VAC14: variants seen among roughly 807,000 people sequenced by gnomAD.
The protein encoded by VAC14 is VAC14 component of PIKFYVE complex.
VAC14 carries 47 observed loss-of-function variants against 85.3 expected under a neutral mutation model. The ratio of observed to expected loss-of-function variants is 0.55; its 90% CI spans 0.44 to 0.70. The LOEUF is 0.70. Among genes scored for constraint, VAC14 ranks in the 30% least tolerant of loss-of-function variants. The pLI is 0.00. For missense variants in VAC14, 861 were observed against 1,004.3 expected, an observed-to-expected ratio of 0.86 and a Z score of 1.93; for synonymous variants, 447 against 430.5, an observed-to-expected ratio of 1.04 and a Z score of -0.47.
At chr16:70,731,674 ACAGGGTG>A in intron 13 of VAC14, 47 bp from the exon 14 acceptor site, 1 of 1,566,642 alleles carries the variant, frequency 6.4e-7, no homozygotes, top group Non-Finnish European at 8.7e-7. Context: ...TTATGTGTCC[ACAGGGTG>A]ATGAGATCCA....
intron 1 of VAC14, chr16:70,786,576 A>G (rs1416825005): frequency 1.8e-5 from 11 of 603,288 alleles, no homozygotes; most frequent in South Asian, 1.3e-4. Context: ...CAATGGAATA[A>G]GGAACAGTGG....
chr16:70,784,554 G>A (rs561767546), intron 4 of VAC14, among the ~76,000 whole-genome samples: 9 of 152,268 alleles, frequency 5.9e-5, no homozygotes, highest in Admixed American at 2.6e-4. Flanking sequence ...TCTAGGTGGC[G>A]GCAACAAAAG....
chr16:70,696,878 C>T (rs2053722541), intron 16 of VAC14: 3 of 416,862 alleles, frequency 7.2e-6, no homozygotes, highest in South Asian at 4.2e-5. Context: ...TGGGCCTACT[C>T]AGTCCCAATC....
intron 1 of VAC14, among the ~76,000 whole-genome samples, chr16:70,797,100 A>G (rs1191135946): frequency 6.6e-6 from 1 of 152,306 alleles, no homozygotes; most frequent in African/African-American, 2.4e-5. Context: ...ATTCAAGAAC[A>G]ACGCATTTGT....
At chr16:70,768,863 C>G (rs1466900833) in intron 10 of VAC14, 2 of 451,322 alleles carry the variant, frequency 4.4e-6, no homozygotes, top group African/African-American at 2.0e-5. Context: ...TGCAGTGGCG[C>G]GATCTCGGCT....
chr16:70,696,788 C>T (rs2053719969), intron 16 of VAC14: 1 of 286,710 alleles, frequency 3.5e-6, no homozygotes. Context: ...AGGGCAGCCA[C>T]CTTCTCCCAG....
At chr16:70,745,518 T>TGTGTGTGTGTGCGC (rs374204849) in intron 12 of VAC14, among the ~76,000 whole-genome samples, 1 of 141,020 alleles carries the variant, frequency 7.1e-6, no homozygotes, top group African/African-American at 3.1e-5. Context: ...TGTGTGTGTG[T>TGTGTGTGTGTGCGC]GCGCGTGTGC....
intron 13 of VAC14, among the ~76,000 whole-genome samples, chr16:70,741,427 T>G (rs1271482131): frequency 6.6e-6 from 1 of 152,238 alleles, no homozygotes; most frequent in East Asian, 1.9e-4. Context: ...CTGGCTCCCC[T>G]GGCTGTTCTC....
chr16:70,761,963 G>C (rs916745016), intron 12 of VAC14, among the ~76,000 whole-genome samples: 16 of 152,174 alleles, frequency 1.1e-4, no homozygotes, highest in Non-Finnish European at 1.8e-4. Flanking sequence ...CTGAGATGCA[G>C]AGATACTAAG....
chr16:70,695,753 G>A lies in VAC14; in HGVS notation c.1956-130C>T, dbSNP rs186365617. ...TGGTTGTGGTGAAGCAGGATTTGGCGCACAAAGGACACCAGGCTCTTCCCT... is the reference window on the plus strand; with the variant it reads ...TGGTTGTGGTGAAGCAGGATTTGGCACACAAAGGACACCAGGCTCTTCCCT... On this transcript the variant is annotated intron_variant, in intron 16 of 18. Coordinates refer to ENST00000261776, the MANE Select transcript of VAC14 (RefSeq NM_018052.5). 1,614 of 805,602 alleles carry A rather than the reference G, an allele frequency of 2.0e-3. 22 individuals are homozygous for A. Among genetic ancestry groups the A allele is most frequent in the Non-Finnish European group, 3.6e-4 (180 of 498,252 alleles). 49.9% of individuals were successfully genotyped at this position (805,602 alleles called of 1,614,324 possible).
intron 10 of VAC14, chr16:70,768,909 T>C: frequency 2.3e-6 from 1 of 437,332 alleles, no homozygotes; most frequent in Non-Finnish European, 4.6e-6. Flanking sequence ...CAAGCAATTC[T>C]CCTGCTTCAG....
chr16:70,721,678 C>G (rs889477149), intron 14 of VAC14, among the ~76,000 whole-genome samples: 3 of 152,074 alleles, frequency 2.0e-5, no homozygotes, highest in Admixed American at 2.0e-4. Context: ...TCAGCTCTGT[C>G]CCCGTCTGCT....
chr16:70,770,803 T>G (rs2033162088), intron 10 of VAC14: 1 of 152,196 alleles, frequency 6.6e-6, no homozygotes, highest in Non-Finnish European at 1.5e-5. Context: ...AAGGAGAGAA[T>G]GGCAACATTC....
At chr16:70,694,565 C>CA (rs1434559041) in intron 17 of VAC14, among the ~76,000 whole-genome samples, 1 of 152,184 alleles carries the variant, frequency 6.6e-6, no homozygotes, top group African/African-American at 2.4e-5. Context: ...CTCCAGGGCT[C>CA]AGGCTGATGG....
intron 17 of VAC14, among the ~76,000 whole-genome samples, chr16:70,694,851 G>A (rs887376174): frequency 1.3e-5 from 2 of 152,238 alleles, no homozygotes; most frequent in African/African-American, 4.8e-5. Context: ...AGAGGTACAG[G>A]CATGGCTCTT....
At chr16:70,783,586 C>A in intron 5 of VAC14, 32 bp from the exon 6 acceptor site, 1 of 1,605,558 alleles carries the variant, frequency 6.2e-7, no homozygotes, top group South Asian at 1.1e-5. Flanking sequence ...GAGGGGAAGT[C>A]AGCTCCAGAA....
rs1253594610 is a variant in VAC14 at position 70,784,120 on chromosome 16, A to G, written c.587T>C (p.Ile196Thr). 6.2e-7 allele frequency: 1 copy of G among 1,614,030 alleles called. No homozygotes were observed. The highest frequency in any genetic ancestry group is 8.5e-7 in the Non-Finnish European group (1 of 1,179,898). Reference sequence around the variant, plus strand: ...TGTCCGGCCAGGCCTTACCCAGGAGATGATGAACTGCCGGGCATACTGGTT... The same window carrying G: ...TGTCCGGCCAGGCCTTACCCAGGAGGTGATGAACTGCCGGGCATACTGGTT... ...SNNQYARQFI[I>T]SWILVLESVP... The change falls in exon 5 of 19, where the codon ATC becomes ACC. Residue 196 changes from isoleucine to threonine, a missense_variant. By Grantham distance (89) the Ile-to-Thr change is moderately conservative (BLOSUM62 -1). Transcript: ENST00000261776.
intron 12 of VAC14, among the ~76,000 whole-genome samples, chr16:70,752,715 A>G (rs2031484793): frequency 6.6e-6 from 1 of 152,218 alleles, no homozygotes; most frequent in South Asian, 2.1e-4. Context: ...TGCAGGCTCT[A>G]CCCCATAGGC....
intron 14 of VAC14, chr16:70,715,892 C>T (rs1489882809): frequency 6.6e-6 from 1 of 152,164 alleles, no homozygotes; most frequent in Non-Finnish European, 1.5e-5. Context: ...CAAATCCCAC[C>T]CCCTTGTTTT....
Sources: allele counts gnomAD v4.1 joint callset (sites outside exome capture counted in the v4.1 genomes callset), GRCh38; gene constraint gnomAD v4.1.1; transcripts MANE v1.5; gene names NCBI Gene and HGNC (gene_info 2026-07-23, HGNC 2026-07-21).